The following RARB variants were observed in gnomAD, a reference collection of about 807,000 sequenced individuals.
RARB encodes HBV-activated protein.
A neutral mutation model predicts 51.9 loss-of-function variants in RARB; 17 were observed. The observed-to-expected ratio is 0.33, with a 90% CI of 0.22 to 0.49. RARB has a LOEUF of 0.49. RARB is among the 20% of genes least tolerant of loss of function. The pLI is 0.99. For missense variants in RARB, 369 were observed against 550.8 expected (o/e 0.67, Z 3.30); for synonymous variants, 215 against 195.4 (o/e 1.10, Z -0.84).
intron 2 of RARB, among the ~76,000 whole-genome samples, chr3:25,473,188 G>T (rs1695783592): frequency 6.6e-6 from 1 of 151,728 alleles, no homozygotes; most frequent in Non-Finnish European, 1.5e-5. Flanking sequence ...ATGTCTTTTT[G>T]TTGTTGTTGT....
chr3:25,188,710 C>G (rs143699639), intron 5 of RARB, among the ~76,000 whole-genome samples: 1 of 151,952 alleles, frequency 6.6e-6, no homozygotes, highest in Admixed American at 6.6e-5. Flanking sequence ...ATTATAACTA[C>G]CATTTGTGTG....
intron 5 of RARB, among the ~76,000 whole-genome samples, chr3:25,362,097 G>C (rs7646375): frequency 0.38 from 58,024 of 151,762 alleles, 11,569 homozygotes; most frequent in East Asian, 0.75. Context: ...CCTTCCTCTA[G>C]GTGCTGTGTC....
chr3:25,355,635 A>G (rs1056999497), intron 5 of RARB, among the ~76,000 whole-genome samples: 1 of 152,184 alleles, frequency 6.6e-6, no homozygotes, highest in African/African-American at 2.4e-5. Flanking sequence ...AGTTTTGAGA[A>G]GAGCTGCTTG....
intron 2 of RARB, among the ~76,000 whole-genome samples, chr3:24,941,448 C>A (rs1238359001): frequency 6.6e-6 from 1 of 151,652 alleles, no homozygotes; most frequent in African/African-American, 2.4e-5. Context: ...CGGCTCACTG[C>A]AACCTCCGCC....
rs146347526 is a variant in RARB, at chr3:25,499,447, A to G, written c.307-1735A>G. Among the ~76,000 whole-genome samples the G allele has an allele frequency of 2.4e-3, 366 of 152,252 alleles. 2 individuals carry two copies. Among genetic ancestry groups the G allele is most frequent in the Non-Finnish European group, 3.2e-3 (220 of 68,002 alleles). ...AGAAAAGGCAGCAGGTATACCCTTCATCTGTGTATTCGGCAAGCATCACTT... is the reference window on the plus strand; with the variant it reads ...AGAAAAGGCAGCAGGTATACCCTTCGTCTGTGTATTCGGCAAGCATCACTT... On this transcript the variant is annotated intron_variant, in intron 2 of 7. Transcript: ENST00000330688.
intron 3 of RARB, among the ~76,000 whole-genome samples, chr3:25,515,159 T>A (rs1017362391): frequency 6.6e-6 from 1 of 152,218 alleles, no homozygotes; most frequent in Non-Finnish European, 1.5e-5. Flanking sequence ...CATTTTGTTT[T>A]TACAAATAGT....
intron 3 of RARB, among the ~76,000 whole-genome samples, chr3:25,118,081 T>C (rs982434244): frequency 2.0e-5 from 3 of 152,144 alleles, no homozygotes; most frequent in African/African-American, 7.2e-5. Flanking sequence ...ATGAAACCAA[T>C]TGCTTGGAGA....
rs545380075 is a variant in RARB, at chr3:24,922,308, A to C, written c.-380+63556A>C. 9.5e-4 allele frequency among the ~76,000 whole-genome samples: 144 copies of C among 152,310 alleles called. 2 individuals carry two copies. The highest frequency in any genetic ancestry group is 5.0e-3 in the Admixed American group (77 of 15,290). Reference sequence around the variant, plus strand: ...ACACAGAACTGCACGTTGGAGAAAAAGATGTTAATGATGGAGATTTTAGGT... The same window carrying C: ...ACACAGAACTGCACGTTGGAGAAAACGATGTTAATGATGGAGATTTTAGGT... On this transcript the variant is annotated intron_variant, in intron 2 of 11. Coordinates refer to the RARB transcript ENST00000383772.
At chr3:24,955,573 T>C (rs937159532) in intron 2 of RARB, among the ~76,000 whole-genome samples, 1 of 152,182 alleles carries the variant, frequency 6.6e-6, no homozygotes, top group Admixed American at 6.5e-5. Context: ...GAGGCTTTGC[T>C]GAAAATCACC....
intron 5 of RARB, among the ~76,000 whole-genome samples, chr3:25,355,612 G>A (rs1164001392): frequency 6.6e-6 from 1 of 152,030 alleles, no homozygotes; most frequent in Admixed American, 6.6e-5. Context: ...TCTATAGATG[G>A]CACTTGCAAA....
At chr3:25,204,528 G>A (rs932046774) in intron 5 of RARB, among the ~76,000 whole-genome samples, 3 of 152,124 alleles carry the variant, frequency 2.0e-5, no homozygotes, top group Admixed American at 6.6e-5. Context: ...CAGTTTTTCT[G>A]CTCTGTTTTT....
intron 5 of RARB, among the ~76,000 whole-genome samples, chr3:25,338,244 C>T (rs1705124104): frequency 6.6e-6 from 1 of 152,172 alleles, no homozygotes; most frequent in African/African-American, 2.4e-5. Flanking sequence ...ATTTCAGCCT[C>T]TTTTGCAGCA....
chr3:25,289,951 G>A (rs1703746608), intron 5 of RARB, among the ~76,000 whole-genome samples: 1 of 152,130 alleles, frequency 6.6e-6, no homozygotes, highest in Admixed American at 6.6e-5. Context: ...CTCTGAGCTG[G>A]GAAGAAATCC....
chr3:25,345,664 CAAAAAAAA>C (rs71061207), intron 5 of RARB, among the ~76,000 whole-genome samples: 26,374 of 96,702 alleles, frequency 0.27, 2,883 homozygotes, highest in Admixed American at 0.4. Context: ...GACTCCGTCT[CAAAAAAAA>C]AAAAAAAAAA....
chr3:25,359,579 T>G (rs1705863706), intron 5 of RARB, among the ~76,000 whole-genome samples: 1 of 152,216 alleles, frequency 6.6e-6, no homozygotes, highest in African/African-American at 2.4e-5. Flanking sequence ...AGTGTTGATT[T>G]TAGATCTTTC....
intron 5 of RARB, among the ~76,000 whole-genome samples, chr3:25,200,168 G>A (rs1241942120): frequency 6.6e-6 from 1 of 152,154 alleles, no homozygotes; most frequent in African/African-American, 2.4e-5. Context: ...TCTCACTGCA[G>A]TTTTGATTTG....
At chr3:25,592,524 C>A (rs894352987) in intron 5 of RARB, among the ~76,000 whole-genome samples, 4 of 152,160 alleles carry the variant, frequency 2.6e-5, no homozygotes, top group Admixed American at 2.6e-4. Flanking sequence ...AGCATTTAGG[C>A]TTAATAGGGC....
At chr3:25,260,824 C>T (rs1702981032) in intron 5 of RARB, among the ~76,000 whole-genome samples, 6 of 152,108 alleles carry the variant, frequency 3.9e-5, no homozygotes, top group Admixed American at 3.3e-4. Context: ...TTTGCTGATT[C>T]TTGTTTTATC....
intron 5 of RARB, among the ~76,000 whole-genome samples, chr3:25,275,773 G>T (rs1042607218): frequency 6.6e-6 from 1 of 150,776 alleles, no homozygotes; most frequent in Non-Finnish European, 1.5e-5. Flanking sequence ...CGGGCTTGTC[G>T]TGGGGTGGAG....
Sources: allele counts gnomAD v4.1 joint callset (sites outside exome capture counted in the v4.1 genomes callset), GRCh38; gene constraint gnomAD v4.1.1; transcripts MANE v1.5; gene names NCBI Gene and HGNC (gene_info 2026-07-23, HGNC 2026-07-21).